WDR7: variants seen among roughly 807,000 people sequenced by gnomAD.
WDR7 encodes the protein WD repeat-containing protein 7.
Under a neutral mutation model 169.4 loss-of-function variants are expected in WDR7, and 46 were observed. The observed-to-expected ratio is 0.27, with a 90% CI of 0.21 to 0.35. The LOEUF (loss-of-function observed/expected upper bound fraction) is 0.35, where lower values mean the gene tolerates loss of function less well. Among genes scored for constraint, WDR7 ranks in the 10% least tolerant of loss-of-function variants. The pLI is 1.00. For synonymous variants in WDR7, 612 were observed against 666.8 expected (o/e 0.92, Z 1.27); for missense variants, 1,534 against 1,859.3 (o/e 0.83, Z 3.22).
intron 25 of WDR7, among the ~76,000 whole-genome samples, chr18:56,952,935 G>A (rs533824667): frequency 1.2e-4 from 18 of 152,270 alleles, no homozygotes; most frequent in African/African-American, 3.1e-4. Flanking sequence ...GCCAGAGGTC[G>A]GGGGAGAAAG....
At chr18:56,880,995 G>T (rs1405849748) in intron 21 of WDR7, among the ~76,000 whole-genome samples, 1 of 152,126 alleles carries the variant, frequency 6.6e-6, no homozygotes, top group Admixed American at 6.5e-5. Flanking sequence ...AAATATTCTT[G>T]TAGAACAAAA....
chr18:56,662,526 G>T (rs1355492462), intron 1 of WDR7, among the ~76,000 whole-genome samples: 1 of 152,204 alleles, frequency 6.6e-6, no homozygotes, highest in Admixed American at 6.5e-5. Flanking sequence ...AATGGTCGAA[G>T]GTAGCATTGT....
At chr18:56,958,470 TC>T (rs2047288266) in intron 25 of WDR7, among the ~76,000 whole-genome samples, 1 of 152,216 alleles carries the variant, frequency 6.6e-6, no homozygotes, top group Admixed American at 6.6e-5. Context: ...TCATTTTTTT[TC>T]CAGGACAACA....
chr18:56,801,175 TTTAC>T (rs1196503733), intron 19 of WDR7, among the ~76,000 whole-genome samples: 3 of 152,332 alleles, frequency 2.0e-5, no homozygotes, highest in African/African-American at 7.2e-5. Context: ...ATCTACAATA[TTTAC>T]TTATTTTTTC....
At chr18:56,710,854 T>C (rs1004462069) in intron 12 of WDR7, among the ~76,000 whole-genome samples, 5 of 152,172 alleles carry the variant, frequency 3.3e-5, no homozygotes, top group Non-Finnish European at 7.4e-5. Flanking sequence ...TGCCAAGCAG[T>C]TGGAACATGC....
chr18:56,978,055 A>G (rs2047592224), intron 26 of WDR7, among the ~76,000 whole-genome samples: 1 of 152,250 alleles, frequency 6.6e-6, no homozygotes, highest in Non-Finnish European at 1.5e-5. Context: ...AGGTTAAAGA[A>G]GAAGGCAACA....
intron 20 of WDR7, among the ~76,000 whole-genome samples, chr18:56,827,594 T>C (rs1050118603): frequency 6.6e-6 from 1 of 151,988 alleles, no homozygotes; most frequent in Admixed American, 6.6e-5. Context: ...GGGTGGTTAA[T>C]GGGTACAAAA....
At chr18:56,816,204 CT>C in intron 20 of WDR7, 60 bp downstream of exon 20, 1 of 1,445,318 alleles carries the variant, frequency 6.9e-7, no homozygotes, top group East Asian at 2.3e-5. Context: ...AAAATGTTTT[CT>C]AGGTTATTTG....
chr18:56,815,841 T>C (rs1423649896), intron 19 of WDR7, among the ~76,000 whole-genome samples, 190 bp from the exon 20 acceptor site: 1 of 152,240 alleles, frequency 6.6e-6, no homozygotes, highest in Non-Finnish European at 1.5e-5. Flanking sequence ...CATGTACATA[T>C]ATACATGCAA....
intron 20 of WDR7, among the ~76,000 whole-genome samples, chr18:56,820,993 A>G (rs1046023297): frequency 6.6e-6 from 1 of 152,240 alleles, no homozygotes; most frequent in Non-Finnish European, 1.5e-5. Flanking sequence ...GATGAAAAGT[A>G]ATATTATATA....
intron 20 of WDR7, among the ~76,000 whole-genome samples, chr18:56,842,928 C>T (rs993569516): frequency 2.0e-5 from 3 of 151,990 alleles, no homozygotes; most frequent in African/African-American, 7.2e-5. Flanking sequence ...AGACATTTTA[C>T]ACCAAAAAAG....
intron 23 of WDR7, chr18:56,936,258 ACTT>A (rs757178144): frequency 3.8e-5 from 7 of 183,114 alleles, no homozygotes; most frequent in South Asian, 3.5e-4. Flanking sequence ...TCAAAACTAA[ACTT>A]CTTATTTAGT....
Position 57,026,648 on chromosome 18 carries a change from G to C in WDR7, c.4270-356G>C, listed in dbSNP as rs140946104. Among the ~76,000 whole-genome samples, 571 of 152,280 alleles carry C rather than the reference G, an allele frequency of 3.7e-3. 5 individuals carry two copies. Among genetic ancestry groups the C allele is most frequent in the African/African-American group, 0.013 (555 of 41,560 alleles). Reference sequence around the variant, plus strand: ...GGGAGTGAGTGCAGTTAGCATTGTGGTAAAGAACATGAAAGTCTTCAGTTT... The same window carrying C: ...GGGAGTGAGTGCAGTTAGCATTGTGCTAAAGAACATGAAAGTCTTCAGTTT... On this transcript the variant is annotated intron_variant, in intron 27 of 27. Coordinates refer to ENST00000254442, the MANE Select transcript of WDR7 (RefSeq NM_015285.3).
chr18:57,006,527 A>ATGAT (rs1245278033), intron 26 of WDR7, among the ~76,000 whole-genome samples: 2 of 152,232 alleles, frequency 1.3e-5, no homozygotes, highest in African/African-American at 4.8e-5. Flanking sequence ...ATTAGGCAGT[A>ATGAT]TGATTGCATT....
chr18:57,021,545 G>A (rs1657400), intron 27 of WDR7, among the ~76,000 whole-genome samples: 4,186 of 152,166 alleles, frequency 0.028, 209 homozygotes, highest in African/African-American at 0.097. Flanking sequence ...AAGATCTCAC[G>A]TAGTCTTTGG....
intron 19 of WDR7, among the ~76,000 whole-genome samples, chr18:56,792,063 G>T (rs1039977702): frequency 6.6e-6 from 1 of 152,058 alleles, no homozygotes; most frequent in Non-Finnish European, 1.5e-5. Context: ...TGTCACGAAG[G>T]CTGGAGTGCA....
At chr18:56,977,422 A>G (rs1336617684) in intron 26 of WDR7, among the ~76,000 whole-genome samples, 2 of 152,232 alleles carry the variant, frequency 1.3e-5, no homozygotes, top group African/African-American at 4.8e-5. Context: ...CATCCTGAAT[A>G]GAGGCCAAGG....
At position 56,851,237 on chromosome 18, in the gene WDR7, A is replaced by T. The variant is rs574908765; in HGVS notation, c.3305-28707A>T. Among the ~76,000 whole-genome samples, 3 of 151,672 alleles carry T rather than the reference A, an allele frequency of 2.0e-5. No homozygotes were observed. The South Asian group carries it at 6.4e-4, about 32-fold the overall frequency. ...CTCTGGCTTCATTTCTCAGCCTCTG[A>T]CTTTCTCTGTGGTTAGTTCTCCAAA... On this transcript the variant is annotated intron_variant, in intron 20 of 27. Coordinates refer to ENST00000254442, the MANE Select transcript of WDR7 (RefSeq NM_015285.3).
intron 20 of WDR7, among the ~76,000 whole-genome samples, chr18:56,819,605 T>G (rs1043921658): frequency 1.1e-4 from 17 of 152,300 alleles, no homozygotes; most frequent in Middle Eastern, 3.4e-3. Context: ...TAAAACCTAT[T>G]TCATATTAAA....
Sources: gnomAD v4.1 joint callset for allele counts (sites outside exome capture counted in the v4.1 genomes callset) on GRCh38, gnomAD v4.1.1 for gene constraint, MANE v1.5 for transcripts, NCBI Gene and HGNC (gene_info 2026-07-23, HGNC 2026-07-21) for gene names.